Variants in FUCA2 observed in about 807,000 individuals in gnomAD.
FUCA2 encodes the protein plasma alpha-L-fucosidase.
FUCA2 carries 41 observed loss-of-function variants against 52.6 expected under a neutral mutation model. That is an observed-to-expected ratio of 0.78 (90% CI 0.61 to 1.01). The LOEUF (loss-of-function observed/expected upper bound fraction) is 1.01, where lower values mean the gene tolerates loss of function less well. Ranked by LOEUF, FUCA2 falls within the 50% of genes least tolerant of loss-of-function variation. The pLI is 0.00. For synonymous variants in FUCA2, 211 were observed against 217.3 expected (o/e 0.97, Z 0.26); for missense variants, 507 against 569.5 (o/e 0.89, Z 1.12).
At position 143,506,200 on chromosome 6, in the gene FUCA2, T is replaced by G. The variant is rs1284631480; in HGVS notation, c.412+1037A>C. On this transcript the variant is annotated intron_variant, in intron 2 of 6. Transcript: ENST00000002165. ...ATAAGGCAAAGTTTCCCGTTTTTTT[T>G]TTTTTTTTTTTTTGAGACAGGATCT... The G allele has an allele frequency of 4.0e-5, 6 of 149,936 alleles. No homozygotes were observed. In the East Asian group the frequency reaches 7.9e-4, roughly 20 times the overall value. The allele number at this position is 149,936 out of a possible 1,614,324, so 9.3% of individuals were successfully genotyped here.
At position 143,497,162 on chromosome 6, in the gene FUCA2, A is replaced by T. The variant is rs1780471098; in HGVS notation, c.1263+227T>A. 3 of 460,006 alleles carry T rather than the reference A, an allele frequency of 6.5e-6. No individual in the cohort carries two copies. Among genetic ancestry groups the T allele is most frequent in the East Asian group, 3.9e-5 (1 of 25,436 alleles). The allele number at this position is 460,006 out of a possible 1,614,324, so 28.5% of individuals were successfully genotyped here. On this transcript the variant is annotated intron_variant, in intron 6 of 6. Coordinates refer to ENST00000002165, the MANE Select transcript of FUCA2 (RefSeq NM_032020.5). The surrounding 1 kb of genome is among the most constrained non-coding windows in gnomAD (Gnocchi z 5.3). ...AATTTTTGTAGACAGGGGTCTTGCT[A>T]TGTTGCCCAGGCTAGTCTCAAACTT... is the stretch of plus-strand genomic sequence containing the variant.
rs1332118670 is a variant in FUCA2, at chr6:143,495,995, TCATC to T, written c.1264-152_1264-149del. On this transcript the variant is annotated intron_variant, in intron 6 of 6. Transcript: ENST00000002165. The surrounding 1 kb of genome is among the most constrained non-coding windows in gnomAD (Gnocchi z 5.2). Reference sequence around the variant, plus strand: ...TTATTTAGTGATTCACAATCACTCTTCATCCAATTGAGTGTATGTATCTTGCCTC... The same window carrying T: ...TTATTTAGTGATTCACAATCACTCTTCAATTGAGTGTATGTATCTTGCCTC... 1.2e-5 allele frequency: 9 copies of T among 732,482 alleles called. No homozygotes were observed. The highest frequency in any genetic ancestry group is 2.0e-5 in the Non-Finnish European group (9 of 449,030). The allele number at this position is 732,482 out of a possible 1,614,324, so 45.4% of individuals were successfully genotyped here.
rs993704987 is a variant in FUCA2, at chr6:143,499,425, G to A, written c.1155-1928C>T. ...AAAAAAATTAGCCAGGCTTGGTGGC[G>A]GACACCTGTAATCCCAGCTACTCAG... On this transcript the variant is annotated intron_variant, in intron 5 of 6. Transcript: ENST00000002165. The surrounding 1 kb of genome is among the most constrained non-coding windows in gnomAD (Gnocchi z 6.0). Among the ~76,000 whole-genome samples, 15 of 152,132 alleles carry A rather than the reference G, an allele frequency of 9.9e-5. No homozygotes were observed. In the East Asian group the frequency reaches 1.9e-3, roughly 20 times the overall value.
intron 2 of FUCA2, chr6:143,505,189 G>A (rs1780585510): frequency 6.6e-6 from 1 of 151,326 alleles, no homozygotes; most frequent in South Asian, 2.1e-4. Flanking sequence ...TAAATACATT[G>A]TTACTATTCC....
intron 2 of FUCA2, chr6:143,505,307 A>ATTTTTTTTT (rs35474217): frequency 2.1e-5 from 2 of 96,626 alleles, no homozygotes; most frequent in African/African-American, 8.8e-5. Context: ...CATACTTTCG[A>ATTTTTTTTT]TTTTTTTTTT....
Position 143,504,508 on chromosome 6 carries a change from T to C in FUCA2, c.413-256A>G, listed in dbSNP as rs1242683786. The C allele has an allele frequency of 7.2e-6, 3 of 415,998 alleles. No homozygotes were observed. Among genetic ancestry groups the C allele is most frequent in the African/African-American group, 6.0e-5 (3 of 49,738 alleles). 25.8% of individuals were successfully genotyped at this position (415,998 alleles called of 1,614,324 possible). ...ACTGTACGGTCTGATCTATCTCCAG[T>C]ATTTTCCCTCTTAGATTTTAAGGTC... is the stretch of plus-strand genomic sequence containing the variant. On this transcript the variant is annotated intron_variant, in intron 2 of 6. Transcript: ENST00000002165. The surrounding 1 kb of genome is among the most constrained non-coding windows in gnomAD (Gnocchi z 4.4).
In FUCA2 at chr6:143,511,574, G is replaced by GCAGCAGCAA. The variant is rs1242060434; in HGVS notation, c.52_60dup (p.Leu19_Leu21dup). On this transcript the variant is annotated inframe_insertion, in exon 1 of 7. Coordinates refer to ENST00000002165, the MANE Select transcript of FUCA2 (RefSeq NM_032020.5). This position sits in a 1 kb window ranked among gnomAD's most constrained non-coding sequence, Gnocchi z 6.3. ...TGGGCAGGGCACGGCGGCGGCGGCAGCAGCAGCAACAGCAACAGCAGCAAC... is the reference window on the plus strand; with the variant it reads ...TGGGCAGGGCACGGCGGCGGCGGCAGCAGCAGCAACAGCAGCAACAGCAACAGCAGCAAC... 4 of 1,561,844 alleles carry GCAGCAGCAA rather than the reference G, an allele frequency of 2.6e-6. No homozygotes were observed. The highest frequency in any genetic ancestry group is 2.7e-5 in the African/African-American group (2 of 73,460).
intron 5 of FUCA2, among the ~76,000 whole-genome samples, chr6:143,498,074 A>ACATC (rs1012149518): frequency 2.0e-5 from 3 of 152,194 alleles, no homozygotes; most frequent in Admixed American, 1.3e-4. Context: ...TTAGATTAGA[A>ACATC]CATCAGAAAG....
rs1780505696 is a variant in FUCA2, at chr6:143,499,641, A to G, written c.1155-2144T>C. On this transcript the variant is annotated intron_variant, in intron 5 of 6. Transcript: ENST00000002165. The surrounding 1 kb of genome is among the most constrained non-coding windows in gnomAD (Gnocchi z 6.0). Reference sequence around the variant, plus strand: ...GGAACTAACTAAGAAGGAAGAGCCAAAAGGTACGACAAACACCAGGAGAGA... The same window carrying G: ...GGAACTAACTAAGAAGGAAGAGCCAGAAGGTACGACAAACACCAGGAGAGA... Among the ~76,000 whole-genome samples, 1 of 152,204 alleles carries G rather than the reference A, an allele frequency of 6.6e-6. No individual in the cohort carries two copies. Among genetic ancestry groups the G allele is most frequent in the Non-Finnish European group, 1.5e-5 (1 of 68,034 alleles).
At chr6:143,505,872 C>T (rs1167635926) in intron 2 of FUCA2, 4 of 152,124 alleles carry the variant, frequency 2.6e-5, no homozygotes, top group African/African-American at 9.7e-5. Flanking sequence ...ACATGGGTCC[C>T]AGAAAATGTA....
chr6:143,504,383 T>G lies in FUCA2; in HGVS notation c.413-131A>C. The G allele has an allele frequency of 1.4e-6, 1 of 731,656 alleles. No homozygotes were observed. The highest frequency in any genetic ancestry group is 2.2e-6 in the Non-Finnish European group (1 of 451,844). The allele number at this position is 731,656 out of a possible 1,614,324, so 45.3% of individuals were successfully genotyped here. A position where few individuals can be genotyped will look rare whatever the true frequency, so the allele number is the denominator to read the frequency against. On this transcript the variant is annotated intron_variant, in intron 2 of 6. Transcript: ENST00000002165. This position sits in a 1 kb window ranked among gnomAD's most constrained non-coding sequence, Gnocchi z 4.4. ...ATACCTGCTCCTACAAATGACTGTT[T>G]TATGGCCATTTTTTCATAGCATATA...
At chr6:143,506,192 GTT>G (rs3060493) in intron 2 of FUCA2, 51,075 of 125,058 alleles carry the variant, frequency 0.41, 9,224 homozygotes, top group East Asian at 0.51. Context: ...AAAGTTTCCC[GTT>G]TTTTTTTTTT....
Position 143,498,574 on chromosome 6 carries a change from C to T in FUCA2, c.1155-1077G>A, listed in dbSNP as rs117090164. On this transcript the variant is annotated intron_variant, in intron 5 of 6. Transcript: ENST00000002165. ...AGCCCCAGTGCAAGAGTGTGCTCTGCCTGTTGATGCACTAGCAAGGCAGAG... is the reference window on the plus strand; with the variant it reads ...AGCCCCAGTGCAAGAGTGTGCTCTGTCTGTTGATGCACTAGCAAGGCAGAG... Among the ~76,000 whole-genome samples the T allele has an allele frequency of 8.5e-5, 13 of 152,188 alleles. No individual in the cohort carries two copies. In the East Asian group the frequency reaches 2.5e-3, roughly 29 times the overall value.
intron 1 of FUCA2, among the ~76,000 whole-genome samples, chr6:143,508,702 T>C (rs1780644345): frequency 6.6e-6 from 1 of 152,214 alleles, no homozygotes. Context: ...GGTGCCTGGC[T>C]GCCATCCTGT....
Position 143,511,686 on chromosome 6 carries a change from C to A in FUCA2, c.-52G>T. On this transcript the variant is annotated 5_prime_UTR_variant, in exon 1 of 7. Coordinates refer to ENST00000002165, the MANE Select transcript of FUCA2 (RefSeq NM_032020.5). The surrounding 1 kb of genome is among the most constrained non-coding windows in gnomAD (Gnocchi z 6.3). The stretch of plus-strand genomic sequence containing the variant: ...CTGCAGGCTCCCGCGGCCTCGGGAG[C>A]GCTGTTCTTCCGTCTCTGCCGCTGA... The A allele has an allele frequency of 7.1e-7, 1 of 1,408,788 alleles. No individual in the cohort carries two copies. Among genetic ancestry groups the A allele is most frequent in the South Asian group, 1.5e-5 (1 of 66,116 alleles). The allele number at this position is 1,408,788 out of a possible 1,614,324, so 87.3% of individuals were successfully genotyped here.
In FUCA2 at chr6:143,503,262, C is replaced by T. The variant is rs1780554558; in HGVS notation, c.752+651G>A. The T allele has an allele frequency of 1.3e-5, 2 of 152,424 alleles. No homozygotes were observed. Among genetic ancestry groups the T allele is most frequent in the African/African-American group, 4.8e-5 (2 of 41,414 alleles). 9.4% of individuals were successfully genotyped at this position (152,424 alleles called of 1,614,324 possible). ...TATTTGTATTTGTGCCCTTTGTGGG[C>T]CCAGGAAGTGCAAGCAGAAGGTTGC... On this transcript the variant is annotated intron_variant, in intron 3 of 6. Transcript: ENST00000002165. This position sits in a 1 kb window ranked among gnomAD's most constrained non-coding sequence, Gnocchi z 4.8.
At position 143,495,994 on chromosome 6, in the gene FUCA2, T is replaced by G; in HGVS notation, c.1264-147A>C. Reference sequence around the variant, plus strand: ...TTTATTTAGTGATTCACAATCACTCTTCATCCAATTGAGTGTATGTATCTT... The same window carrying G: ...TTTATTTAGTGATTCACAATCACTCGTCATCCAATTGAGTGTATGTATCTT... On this transcript the variant is annotated intron_variant, in intron 6 of 6. Coordinates refer to ENST00000002165, the MANE Select transcript of FUCA2 (RefSeq NM_032020.5). This position sits in a 1 kb window ranked among gnomAD's most constrained non-coding sequence, Gnocchi z 5.2. The G allele has an allele frequency of 5.5e-6, 4 of 731,330 alleles. No individual in the cohort carries two copies. The highest frequency in any genetic ancestry group is 8.9e-6 in the Non-Finnish European group (4 of 448,002). 45.3% of individuals were successfully genotyped at this position (731,330 alleles called of 1,614,324 possible). A position where few individuals can be genotyped will look rare whatever the true frequency, so the allele number is the denominator to read the frequency against.
Position 143,497,369 on chromosome 6 carries a change from A to G in FUCA2, c.1263+20T>C. On this transcript the variant is annotated intron_variant, in intron 6 of 6. Transcript: ENST00000002165. The surrounding 1 kb of genome is among the most constrained non-coding windows in gnomAD (Gnocchi z 5.3). Reference sequence around the variant, plus strand: ...GTTCTAATCAGCAATTTAAAGGAATAAGGTAAAATTCCCTCTTACCTCTGT... The same window carrying G: ...GTTCTAATCAGCAATTTAAAGGAATGAGGTAAAATTCCCTCTTACCTCTGT... The G allele has an allele frequency of 6.9e-7, 1 of 1,448,196 alleles. No individual in the cohort carries two copies. The highest frequency in any genetic ancestry group is 9.7e-7 in the Non-Finnish European group (1 of 1,028,692). 89.7% of individuals were successfully genotyped at this position (1,448,196 alleles called of 1,614,324 possible). A position where few individuals can be genotyped will look rare whatever the true frequency, so the allele number is the denominator to read the frequency against.
chr6:143,503,128 A>G lies in FUCA2; in HGVS notation c.753-563T>C, dbSNP rs1333522486. ...TATTTAAGAGGGAAATACACGCCAC[A>G]TAGAGGGAACAGTTTTGAGTCACAA... is the stretch of plus-strand genomic sequence containing the variant. On this transcript the variant is annotated intron_variant, in intron 3 of 6. Coordinates refer to ENST00000002165, the MANE Select transcript of FUCA2 (RefSeq NM_032020.5). The surrounding 1 kb of genome is among the most constrained non-coding windows in gnomAD (Gnocchi z 4.8). 1.3e-5 allele frequency: 2 copies of G among 153,240 alleles called. No homozygotes were observed. Among genetic ancestry groups the G allele is most frequent in the Non-Finnish European group, 2.9e-5 (2 of 68,678 alleles). 9.5% of individuals were successfully genotyped at this position (153,240 alleles called of 1,614,324 possible). A position where few individuals can be genotyped will look rare whatever the true frequency, so the allele number is the denominator to read the frequency against.
Sources: gnomAD v4.1 joint callset for allele counts (sites outside exome capture counted in the v4.1 genomes callset) on GRCh38, gnomAD v4.1.1 for gene constraint, Gnocchi (gnomAD v3.1) non-coding constraint, MANE v1.5 for transcripts, NCBI Gene and HGNC (gene_info 2026-07-23, HGNC 2026-07-21) for gene names.